The following SLC25A13 variants were observed in gnomAD, a reference collection of about 807,000 sequenced individuals.
The protein encoded by SLC25A13 is electrogenic aspartate/glutamate antiporter SLC25A13, mitochondrial.
SLC25A13 carries 70 observed loss-of-function variants against 85.5 expected under a neutral mutation model. The observed-to-expected ratio is 0.82, with a 90% CI of 0.68 to 1.00. SLC25A13 has a LOEUF of 1.00. Ranked by LOEUF, SLC25A13 falls within the 50% of genes least tolerant of loss-of-function variation. The pLI, the probability that SLC25A13 is intolerant of heterozygous loss-of-function variation, is 0.00. For synonymous variants in SLC25A13, 259 were observed against 288.7 expected (o/e 0.90, Z 1.04); for missense variants, 765 against 819.8 (o/e 0.93, Z 0.82).
At chr7:96,262,260 G>C (rs1338818413) in intron 3 of SLC25A13, among the ~76,000 whole-genome samples, 1 of 152,140 alleles carries the variant, frequency 6.6e-6, no homozygotes, top group East Asian at 1.9e-4. Flanking sequence ...CTACAGTCTA[G>C]ATCAAGCAAA....
intron 13 of SLC25A13, among the ~76,000 whole-genome samples, chr7:96,152,738 G>C (rs1793099754): frequency 6.6e-6 from 1 of 152,132 alleles, no homozygotes; most frequent in Non-Finnish European, 1.5e-5. Context: ...GAGAGACCAT[G>C]AAGTGATGAA....
rs527603653 is a variant in SLC25A13, at chr7:96,167,397, AT to A, written c.1311+2647del. Among the ~76,000 whole-genome samples, 113 of 152,342 alleles carry A rather than the reference AT, an allele frequency of 7.4e-4. 1 individual carries two copies. Among genetic ancestry groups the A allele is most frequent in the Non-Finnish European group, 1.3e-3 (87 of 68,028 alleles). Reference sequence around the variant, plus strand: ...TTACTAACACTTTCATTCTAAAAAAATATATACAATAAAACAGGCTGTTTAG... The same window carrying A: ...TTACTAACACTTTCATTCTAAAAAAAATATACAATAAAACAGGCTGTTTAG... On this transcript the variant is annotated intron_variant, in intron 13 of 17. Coordinates refer to ENST00000265631, the MANE Select transcript of SLC25A13 (RefSeq NM_014251.3).
At chr7:96,130,398 C>T (rs1219971727) in intron 15 of SLC25A13, among the ~76,000 whole-genome samples, 1 of 152,126 alleles carries the variant, frequency 6.6e-6, no homozygotes, top group African/African-American at 2.4e-5. Context: ...AAGAACTATG[C>T]CAAGTCTTTC....
At chr7:96,241,329 G>A (rs1796990771) in intron 3 of SLC25A13, among the ~76,000 whole-genome samples, 1 of 152,188 alleles carries the variant, frequency 6.6e-6, no homozygotes, top group Non-Finnish European at 1.5e-5. Context: ...ATTCATAAAT[G>A]CGTGCAAACT....
intron 4 of SLC25A13, among the ~76,000 whole-genome samples, chr7:96,211,778 C>T (rs570149919): frequency 6.6e-6 from 1 of 152,302 alleles, no homozygotes; most frequent in East Asian, 1.9e-4. Context: ...AACTATTCAA[C>T]AGTCATTTCT....
chr7:96,321,930 G>T lies in SLC25A13; in HGVS notation c.15+12C>A. ...GCAGGCGCGCTCCCCCCGGCCTCGG[G>T]CCCGCGGTTACCTTGGCGGCCGCCA... On this transcript the variant is annotated intron_variant, in intron 1 of 17. Coordinates refer to ENST00000265631, the MANE Select transcript of SLC25A13 (RefSeq NM_014251.3). The T allele has an allele frequency of 1.3e-6, 2 of 1,534,108 alleles. No individual in the cohort carries two copies. The highest frequency in any genetic ancestry group is 1.7e-6 in the Non-Finnish European group (2 of 1,143,386).
In SLC25A13 at chr7:96,121,654, C is replaced by A. The variant is rs766044536; in HGVS notation, c.1841+1G>T. 3.1e-6 allele frequency: 5 copies of A among 1,613,960 alleles called. No individual in the cohort carries two copies. The African/African-American group carries it at 5.3e-5, about 17-fold the overall frequency. On this transcript the variant is annotated splice_donor_variant, in intron 17 of 17. Coordinates refer to ENST00000265631, the MANE Select transcript of SLC25A13 (RefSeq NM_014251.3). LOFTEE classifies it high-confidence loss of function. ...AGCAGCAGATTTAGCATGATACTTACACTCCTCCAAAATCAATGTAGAACC... is the reference window on the plus strand; with the variant it reads ...AGCAGCAGATTTAGCATGATACTTAAACTCCTCCAAAATCAATGTAGAACC...
At chr7:96,218,904 C>T (rs1795997088) in intron 4 of SLC25A13, among the ~76,000 whole-genome samples, 1 of 152,164 alleles carries the variant, frequency 6.6e-6, no homozygotes, top group Non-Finnish European at 1.5e-5. Flanking sequence ...AAGTAATATT[C>T]CACCCTGCTG....
chr7:96,125,864 T>C (rs1000463501), intron 15 of SLC25A13, among the ~76,000 whole-genome samples: 3 of 151,604 alleles, frequency 2.0e-5, no homozygotes, highest in African/African-American at 7.3e-5. Flanking sequence ...GCAGTTCTTC[T>C]ATTACTTTTC....
chr7:96,228,587 C>T (rs1011349266), intron 4 of SLC25A13, among the ~76,000 whole-genome samples: 2 of 152,210 alleles, frequency 1.3e-5, no homozygotes, highest in Non-Finnish European at 2.9e-5. Context: ...GGCGCCTCCT[C>T]GGCCTCGGCG....
chr7:96,303,663 G>A (rs1230726974), intron 1 of SLC25A13, among the ~76,000 whole-genome samples: 1 of 152,192 alleles, frequency 6.6e-6, no homozygotes, highest in African/African-American at 2.4e-5. Context: ...GAGTTGGGGG[G>A]CACCTTCTGC....
chr7:96,261,220 T>C (rs1029307763), intron 3 of SLC25A13, among the ~76,000 whole-genome samples: 2 of 152,174 alleles, frequency 1.3e-5, no homozygotes, highest in Middle Eastern at 3.2e-3. Context: ...ACCATAGCAC[T>C]TTAATAAATA....
rs148593391 is a variant in SLC25A13, at chr7:96,253,063, C to T, written c.213-18146G>A. On this transcript the variant is annotated intron_variant, in intron 3 of 17. Transcript: ENST00000265631. ...GAGCTGAGATCATGCCACTGCACTC[C>T]AGCCTGGCTAACAGAGCAAGGCTCC... Among the ~76,000 whole-genome samples the T allele has an allele frequency of 8.8e-4, 134 of 152,324 alleles. 1 individual carries two copies. The highest frequency in any genetic ancestry group is 3.0e-3 in the African/African-American group (126 of 41,564).
chr7:96,163,895 C>T (rs577726905), intron 13 of SLC25A13, among the ~76,000 whole-genome samples: 62 of 152,034 alleles, frequency 4.1e-4, no homozygotes, highest in African/African-American at 1.5e-3. Flanking sequence ...AACATCCTCT[C>T]TCTCTCTCCA....
intron 4 of SLC25A13, among the ~76,000 whole-genome samples, chr7:96,217,408 T>C (rs1562851086): frequency 6.6e-6 from 1 of 152,026 alleles, no homozygotes; most frequent in Non-Finnish European, 1.5e-5. Flanking sequence ...AATGAAAACA[T>C]ATGCCCATAC....
intron 15 of SLC25A13, among the ~76,000 whole-genome samples, chr7:96,122,347 C>T (rs1353670755): frequency 1.3e-5 from 2 of 152,024 alleles, no homozygotes; most frequent in African/African-American, 4.8e-5. Context: ...CTTTTTCTTT[C>T]CTGTTGAAAT....
chr7:96,317,062 C>G (rs1261421619), intron 1 of SLC25A13, among the ~76,000 whole-genome samples: 2 of 152,136 alleles, frequency 1.3e-5, no homozygotes, highest in African/African-American at 4.8e-5. Context: ...CTCCGCCTCC[C>G]AGGTTGAAGC....
Position 96,239,364 on chromosome 7 carries a change from T to TTA in SLC25A13, c.213-4449_213-4448dup, listed in dbSNP as rs530704741. ...TTTACAGCATGATACCTAAAAATGT[T>TTA]TATATATATATATGTATATACATAT... is the stretch of plus-strand genomic sequence containing the variant. On this transcript the variant is annotated intron_variant, in intron 3 of 17. Transcript: ENST00000265631. 3.7e-3 allele frequency among the ~76,000 whole-genome samples: 549 copies of TTA among 149,402 alleles called. 2 individuals carry two copies. The highest frequency in any genetic ancestry group is 0.01 in the African/African-American group (428 of 40,890).
chr7:96,256,388 G>A lies in SLC25A13; in HGVS notation c.212+20808C>T, dbSNP rs139215734. On this transcript the variant is annotated intron_variant, in intron 3 of 17. Coordinates refer to ENST00000265631, the MANE Select transcript of SLC25A13 (RefSeq NM_014251.3). ...ATGGAGGAATATTTGCCAAGCAAAT[G>A]GAAAGCAAAAAAAAGGCAGGGGGTG... Among the ~76,000 whole-genome samples the A allele has an allele frequency of 6.1e-3, 921 of 151,878 alleles. 9 individuals are homozygous for A. The highest frequency in any genetic ancestry group is 0.021 in the African/African-American group (863 of 41,464).
Sources: allele counts gnomAD v4.1 joint callset (sites outside exome capture counted in the v4.1 genomes callset), GRCh38; gene constraint gnomAD v4.1.1; transcripts MANE v1.5; gene names NCBI Gene and HGNC (gene_info 2026-07-23, HGNC 2026-07-21).